The following CEBPZ variants were observed in gnomAD, a reference collection of about 807,000 sequenced individuals.
The protein encoded by CEBPZ is CCAAT enhancer binding protein zeta.
In CEBPZ, 78 loss-of-function variants were observed where a neutral mutation model predicts 104.5. The observed-to-expected ratio is 0.75, with a 90% confidence interval of 0.62 to 0.90. The LOEUF (loss-of-function observed/expected upper bound fraction) is 0.90. CEBPZ is among the 40% of genes least tolerant of loss of function. CEBPZ has a pLI of 0.00. For synonymous variants in CEBPZ, 470 were observed against 427.0 expected, an observed-to-expected ratio of 1.10 and a Z score of -1.24; for missense variants, 1,439 against 1,233.5, an observed-to-expected ratio of 1.17 and a Z score of -2.50.
In CEBPZ at chr2:37,211,991, T is replaced by G. The variant is rs1443276081; in HGVS notation, c.2652A>C (p.Glu884Asp). Reference sequence around the variant, plus strand: ...GTTCATCATCACTACCTTCTGAATCTTCATCTAATGTGTTATCCTTAGCTC... The same window carrying G: ...GTTCATCATCACTACCTTCTGAATCGTCATCTAATGTGTTATCCTTAGCTC... The part of the protein sequence containing the change: ...TKGAKDNTLD[E>D]DSEGSDDELG... Residue 884 changes from glutamate to aspartate, a missense_variant, in exon 12 of 16, where the codon GAA becomes GAC. Physicochemically the swap from Glu to Asp is conservative, Grantham distance 45. Transcript: ENST00000234170. The G allele has an allele frequency of 6.2e-7, 1 of 1,611,798 alleles. No homozygotes were observed. Among genetic ancestry groups the G allele is most frequent in the African/African-American group, 1.3e-5 (1 of 74,758 alleles).
chr2:37,213,380 G>A (rs1160862650), intron 10 of CEBPZ: 1 of 152,368 alleles, frequency 6.6e-6, no homozygotes, highest in Non-Finnish European at 1.5e-5. Flanking sequence ...TGCAAATGTG[G>A]GTGAATTACC....
In CEBPZ at chr2:37,228,066, T is replaced by A; in HGVS notation, c.1127A>T (p.Lys376Met). The change falls in exon 2 of 16, where the codon AAG (lysine) becomes ATG (methionine). Residue 376 changes from lysine to methionine, a missense_variant. By Grantham distance (95) the Lys-to-Met change is moderately conservative (BLOSUM62 -1). Coordinates refer to ENST00000234170, the MANE Select transcript of CEBPZ (RefSeq NM_005760.3). ...LTVAHELLCN[K>M]PEEEKALLVQ... is the part of the protein sequence containing the mutation. ...AAGAAGAGCCTTTTCTTCCTCAGGCTTGTTACAAAGCAGCTCATGAGCCAC... is the reference window on the plus strand; with the variant it reads ...AAGAAGAGCCTTTTCTTCCTCAGGCATGTTACAAAGCAGCTCATGAGCCAC... The A allele has an allele frequency of 6.2e-7, 1 of 1,614,242 alleles. No homozygotes were observed. Among genetic ancestry groups the A allele is most frequent in the Non-Finnish European group, 8.5e-7 (1 of 1,180,036 alleles).
intron 5 of CEBPZ, among the ~76,000 whole-genome samples, chr2:37,217,334 G>T (rs372340176): frequency 4.9e-4 from 75 of 152,196 alleles, no homozygotes; most frequent in African/African-American, 1.7e-3. Flanking sequence ...CCAGGAGGTC[G>T]AGGCTGCAGT....
chr2:37,202,254 G>A (rs892798589), intron 15 of CEBPZ: 1 of 133,978 alleles, frequency 7.5e-6, no homozygotes. Flanking sequence ...TTTTTTTTTT[G>A]CTTTAGTCTA....
At chr2:37,213,642 G>C in intron 10 of CEBPZ, 1 of 412,880 alleles carries the variant, frequency 2.4e-6, no homozygotes, top group Non-Finnish European at 4.3e-6. Flanking sequence ...TCGAACTCCT[G>C]ACCTCAAACA....
At chr2:37,207,896 C>T (rs1040789785) in intron 13 of CEBPZ, among the ~76,000 whole-genome samples, 1 of 151,824 alleles carries the variant, frequency 6.6e-6, no homozygotes, top group African/African-American at 2.4e-5. Context: ...ATCGGTAGAC[C>T]ATTAGCAAGA....
At chr2:37,231,279 C>T (rs1170371131) in intron 1 of CEBPZ, 133 bp downstream of exon 1, 1 of 1,236,204 alleles carries the variant, frequency 8.1e-7, no homozygotes, top group African/African-American at 1.5e-5. Context: ...GCACCGAACA[C>T]ATGCTTCAGA....
At chr2:37,229,422 T>G (rs761484088) in intron 1 of CEBPZ, among the ~76,000 whole-genome samples, 2 of 152,176 alleles carry the variant, frequency 1.3e-5, no homozygotes, top group Non-Finnish European at 2.9e-5. Flanking sequence ...AAGGGTTCTT[T>G]AAGAATATGA....
chr2:37,217,942 T>C (rs550933124), intron 5 of CEBPZ, among the ~76,000 whole-genome samples: 2 of 147,190 alleles, frequency 1.4e-5, no homozygotes, highest in East Asian at 4.1e-4. Context: ...ACCATAAAGC[T>C]ACTACATACT....
At chr2:37,207,462 C>A (rs1233500383) in intron 13 of CEBPZ, among the ~76,000 whole-genome samples, 1 of 152,150 alleles carries the variant, frequency 6.6e-6, no homozygotes, top group East Asian at 1.9e-4. Context: ...CCCTCTCACA[C>A]CACAGTGGAA....
At position 37,202,620 on chromosome 2, in the gene CEBPZ, G is replaced by C; in HGVS notation, c.3025+164C>G. The C allele has an allele frequency of 6.5e-6, 3 of 459,326 alleles. 1 individual carries two copies. Among genetic ancestry groups the C allele is most frequent in the Non-Finnish European group, 1.1e-5 (3 of 274,452 alleles). 28.5% of individuals were successfully genotyped at this position (459,326 alleles called of 1,614,324 possible). A position where few individuals can be genotyped will look rare whatever the true frequency, so the allele number is the denominator to read the frequency against. ...AGATCATGCCACTGCATTCCAACCT[G>C]GGCAAGGGAGTGAGACGCTGTCTCA... On this transcript the variant is annotated intron_variant, in intron 15 of 15. Coordinates refer to ENST00000234170, the MANE Select transcript of CEBPZ (RefSeq NM_005760.3).
intron 3 of CEBPZ, among the ~76,000 whole-genome samples, chr2:37,222,959 T>G (rs777115777): frequency 6.6e-6 from 1 of 152,202 alleles, no homozygotes; most frequent in Non-Finnish European, 1.5e-5. Flanking sequence ...GCTTCTAGTA[T>G]AGTACAGTTT....
intron 1 of CEBPZ, among the ~76,000 whole-genome samples, chr2:37,230,306 T>C (rs940405009): frequency 1.3e-5 from 2 of 152,232 alleles, no homozygotes; most frequent in Non-Finnish European, 2.9e-5. Context: ...TAAATGAGTA[T>C]GTATATGCTT....
chr2:37,228,566 A>C lies in CEBPZ; in HGVS notation c.627T>G (p.Ala209=). The C allele has an allele frequency of 6.2e-7, 1 of 1,614,204 alleles. No individual in the cohort carries two copies. Among genetic ancestry groups the C allele is most frequent in the Non-Finnish European group, 8.5e-7 (1 of 1,180,022 alleles). ...TGATTTCATGCTGATACAGCTTCTG[A>C]GCAAGGGTTTTGTACTTAGATACAA... ...QDVVSKYKTL[A]QKLYQHEINL... The change falls in exon 2 of 16, where the codon GCT becomes GCG. Residue 209 remains alanine (A), a synonymous_variant. Coordinates refer to ENST00000234170, the MANE Select transcript of CEBPZ (RefSeq NM_005760.3).
At chr2:37,229,100 G>A (rs879277878) in intron 1 of CEBPZ, 64 bp from the exon 2 acceptor site, 110 of 1,269,902 alleles carry the variant, frequency 8.7e-5, no homozygotes, top group South Asian at 2.2e-4. Flanking sequence ...TAAAATAATA[G>A]GAAACACAAC....
chr2:37,228,497 A>T lies in CEBPZ; in HGVS notation c.696T>A (p.Ser232=). Residue 232 remains serine, a synonymous_variant, in exon 2 of 16, where the codon TCT becomes TCA. Transcript: ENST00000234170. ...ATGACACAATTGCCTTCATCCAGGT[A>T]GAAGAGGCTCCCTTTTGACTATTCG... ...SKTNSQKGAS[S]TWMKAIVSSG... The T allele has an allele frequency of 6.2e-7, 1 of 1,614,230 alleles. No homozygotes were observed. Among genetic ancestry groups the T allele is most frequent in the Non-Finnish European group, 8.5e-7 (1 of 1,180,040 alleles).
In CEBPZ at chr2:37,222,516, G is replaced by A. The variant is rs1558476224; in HGVS notation, c.1929C>T (p.Asp643=). ...TGTCTGCATCAGTGAATTTTTCCAT[G>A]TCTTCATCATCATTTGCATCAATAA... ...ENFIDANDDE[D]MEKFTDADKE... The change falls in exon 4 of 16, where the codon GAC becomes GAT. Residue 643 remains aspartate (D), a synonymous_variant. Coordinates refer to ENST00000234170, the MANE Select transcript of CEBPZ (RefSeq NM_005760.3). 1.2e-6 allele frequency: 2 copies of A among 1,605,016 alleles called. No homozygotes were observed. Among genetic ancestry groups the A allele is most frequent in the Non-Finnish European group, 1.7e-6 (2 of 1,177,546 alleles).
Position 37,220,445 on chromosome 2 carries a change from T to A in CEBPZ, c.2094A>T (p.Pro698=). 1 of 1,600,060 alleles carries A rather than the reference T, an allele frequency of 6.2e-7. No individual in the cohort carries two copies. The highest frequency in any genetic ancestry group is 1.3e-5 in the African/African-American group (1 of 74,592). ...KGGKQLNKYD[P]FSRNPLFCGA... is the part of the protein sequence containing the mutation. ...CACAGAACAGAGGGTTTCTACTGAATGGATCGTATTTATTTAACTGTTTCC... is the reference window on the plus strand; with the variant it reads ...CACAGAACAGAGGGTTTCTACTGAAAGGATCGTATTTATTTAACTGTTTCC... The change falls in exon 5 of 16, where the codon CCA becomes CCT. Residue 698 remains proline (P), a synonymous_variant. Transcript: ENST00000234170.
intron 1 of CEBPZ, chr2:37,231,177 A>T (rs1665078374): frequency 1.4e-6 from 1 of 692,606 alleles, no homozygotes; most frequent in African/African-American, 1.8e-5. Context: ...TAAAATCAGA[A>T]GATCGCCTAC....
Sources: allele counts gnomAD v4.1 joint callset (sites outside exome capture counted in the v4.1 genomes callset), GRCh38; gene constraint gnomAD v4.1.1; transcripts MANE v1.5; gene names NCBI Gene and HGNC (gene_info 2026-07-23, HGNC 2026-07-21).